Variants in ZNF791 observed in about 807,000 individuals in gnomAD.
ZNF791 encodes zinc finger protein 791.
A neutral mutation model predicts 11.5 loss-of-function variants in ZNF791; 4 were observed. The ratio of observed to expected loss-of-function variants is 0.35; its 90% CI spans 0.17 to 0.80. The LOEUF is 0.80. Ranked by LOEUF, ZNF791 falls within the 30% of genes least tolerant of loss-of-function variation. ZNF791 has a pLI of 0.53. For synonymous variants in ZNF791, 212 were observed against 228.1 expected (o/e 0.93, Z 0.64); for missense variants, 559 against 699.4 (o/e 0.80, Z 2.26).
intron 1 of ZNF791, 123 bp downstream of exon 1, chr19:12,611,205 C>T (rs962692453): frequency 1.5e-6 from 2 of 1,313,572 alleles, no homozygotes; most frequent in Admixed American, 2.4e-5. Flanking sequence ...CGTCCTGTCC[C>T]GTCCCTGCGC....
chr19:12,612,829 T>TA (rs976207113), intron 1 of ZNF791, among the ~76,000 whole-genome samples: 1 of 117,434 alleles, frequency 8.5e-6, no homozygotes, highest in Non-Finnish European at 1.9e-5. Context: ...TTTTTTTTTT[T>TA]AAAGACCAAG....
At chr19:12,621,390 C>G (rs931906706) in intron 1 of ZNF791, among the ~76,000 whole-genome samples, 2 of 151,834 alleles carry the variant, frequency 1.3e-5, no homozygotes, top group East Asian at 3.9e-4. Context: ...CCTAGTCTCA[C>G]GAAATGGGAC....
At chr19:12,622,452 C>T (rs941854757) in intron 1 of ZNF791, among the ~76,000 whole-genome samples, 1 of 143,602 alleles carries the variant, frequency 7.0e-6, no homozygotes, top group Non-Finnish European at 1.5e-5. Context: ...CATTTAATCC[C>T]ATATCTTAAG....
At chr19:12,624,606 A>G in intron 2 of ZNF791, 44 bp from the exon 3 acceptor site, 1 of 1,407,498 alleles carries the variant, frequency 7.1e-7, no homozygotes, top group South Asian at 1.3e-5. Context: ...ATATTTGTAT[A>G]ATTTTTAATA....
intron 3 of ZNF791, among the ~76,000 whole-genome samples, chr19:12,627,017 C>T (rs2145195002): frequency 6.6e-6 from 1 of 152,124 alleles, no homozygotes; most frequent in Middle Eastern, 3.4e-3. Context: ...CCTGTCTCTA[C>T]AAGAAACAGA....
Position 12,632,030 on chromosome 19 carries a change from G to A in ZNF791, c.*2770G>A, listed in dbSNP as rs58945432. On this transcript the variant is annotated 3_prime_UTR_variant, in exon 4 of 4. Transcript: ENST00000343325. ...GGCTGGAGTTCAGCGGTGTGATCTC[G>A]GCTCACTGCAAGCTCCGCCTCCCGG... 3 of 150,538 alleles carry A rather than the reference G, an allele frequency of 2.0e-5. No homozygotes were observed. The highest frequency in any genetic ancestry group is 2.5e-5 in the African/African-American group (1 of 40,814). The allele number at this position is 150,538 out of a possible 1,614,324, so 9.3% of individuals were successfully genotyped here. A position where few individuals can be genotyped will look rare whatever the true frequency, so the allele number is the denominator to read the frequency against.
In ZNF791 at chr19:12,623,753, T is replaced by A; in HGVS notation, c.57T>A (p.Ala19=). ...TGAGCTTCAGCCAGGAGGAGTGGGC[T>A]CTGCTGGCTCCTTCACAGAAGAAAC... ...VSVSFSQEEW[A]LLAPSQKKLY... is the part of the protein sequence containing the mutation. The change falls in exon 2 of 4, where the codon GCT becomes GCA. Residue 19 remains alanine (A), a synonymous_variant. Coordinates refer to ENST00000343325, the MANE Select transcript of ZNF791 (RefSeq NM_153358.3). 6.2e-7 allele frequency: 1 copy of A among 1,613,702 alleles called. No individual in the cohort carries two copies. The highest frequency in any genetic ancestry group is 8.5e-7 in the Non-Finnish European group (1 of 1,179,808).
At chr19:12,616,057 G>A (rs1028550483) in intron 1 of ZNF791, among the ~76,000 whole-genome samples, 1 of 152,198 alleles carries the variant, frequency 6.6e-6, no homozygotes, top group Non-Finnish European at 1.5e-5. Context: ...CAAGGAATGA[G>A]AATTCTTGTT....
rs556489052 is a variant in ZNF791 at position 12,624,731 on chromosome 19, G to A, written c.191+21G>A. 79 of 1,586,062 alleles carry A rather than the reference G, an allele frequency of 5.0e-5. No individual in the cohort carries two copies. In the African/African-American group the frequency reaches 9.5e-4, roughly 19 times the overall value. ...CTAAGGTGAGTTGCACTCACAAGAAGTAACAGTGTTCCTTGAAAGAATCTT... is the reference window on the plus strand; with the variant it reads ...CTAAGGTGAGTTGCACTCACAAGAAATAACAGTGTTCCTTGAAAGAATCTT... On this transcript the variant is annotated intron_variant, in intron 3 of 3. Transcript: ENST00000343325.
chr19:12,623,854 T>TA, intron 2 of ZNF791, 28 bp downstream of exon 2: 1 of 434,848 alleles, frequency 2.3e-6, no homozygotes, highest in Non-Finnish European at 3.6e-6. Context: ...TTTTCTTTTT[T>TA]CTTTTTTTTT....
At chr19:12,621,623 G>C (rs1206692524) in intron 1 of ZNF791, among the ~76,000 whole-genome samples, 2 of 150,140 alleles carry the variant, frequency 1.3e-5, no homozygotes, top group Non-Finnish European at 3.0e-5. Flanking sequence ...CTTCTTAAAA[G>C]TTGGATTTCC....
At position 12,631,413 on chromosome 19, in the gene ZNF791, C is replaced by T. The variant is rs1442279574; in HGVS notation, c.*2153C>T. On this transcript the variant is annotated 3_prime_UTR_variant, in exon 4 of 4. Transcript: ENST00000343325. ...GTAAAATGCTCCAGAAAATTCACAC[C>T]ATGATATAAATTCATCACACACGAT... The T allele has an allele frequency of 6.6e-6, 1 of 152,110 alleles. No homozygotes were observed. 9.4% of individuals were successfully genotyped at this position (152,110 alleles called of 1,614,324 possible).
chr19:12,623,694 T>G lies in ZNF791; in HGVS notation c.4-6T>G. 2.5e-6 allele frequency: 4 copies of G among 1,614,090 alleles called. No individual in the cohort carries two copies. The highest frequency in any genetic ancestry group is 3.4e-6 in the Non-Finnish European group (4 of 1,180,010). On this transcript the variant is annotated splice_region_variant and splice_polypyrimidine_tract_variant and intron_variant, in intron 1 of 3. Transcript: ENST00000343325. ...ACCTATTCTCTACTTATATTGGATGTTTCAGGACTCAGTGGCTTTTGAGGA... is the reference window on the plus strand; with the variant it reads ...ACCTATTCTCTACTTATATTGGATGGTTCAGGACTCAGTGGCTTTTGAGGA...
Position 12,617,141 on chromosome 19 carries a change from T to C in ZNF791, c.3+6059T>C, listed in dbSNP as rs1250073836. ...TCTTTTTTCTTCTTTTTTTTTTTTTTTTGAGACGGAGTCTTGCTGTGTCAC... is the reference window on the plus strand; with the variant it reads ...TCTTTTTTCTTCTTTTTTTTTTTTTCTTGAGACGGAGTCTTGCTGTGTCAC... On this transcript the variant is annotated intron_variant, in intron 1 of 3. Transcript: ENST00000343325. Among the ~76,000 whole-genome samples, 7 of 151,088 alleles carry C rather than the reference T, an allele frequency of 4.6e-5. No individual in the cohort carries two copies. In the East Asian group the frequency reaches 1.3e-3, roughly 29 times the overall value.
In ZNF791 at chr19:12,629,470, A is replaced by C; in HGVS notation, c.*210A>C. The C allele has an allele frequency of 1.3e-5, 5 of 397,524 alleles. No individual in the cohort carries two copies. The highest frequency in any genetic ancestry group is 1.8e-5 in the Non-Finnish European group (4 of 225,614). 24.6% of individuals were successfully genotyped at this position (397,524 alleles called of 1,614,324 possible). A position where few individuals can be genotyped will look rare whatever the true frequency, so the allele number is the denominator to read the frequency against. On this transcript the variant is annotated 3_prime_UTR_variant, in exon 4 of 4. Transcript: ENST00000343325. ...GGTTGGTAGCCCCATAAGATTATAT[A>C]ACACCTAAAACATTTCTATCAACCG...
chr19:12,612,086 TTGA>T (rs1337939705), intron 1 of ZNF791: 1 of 520,230 alleles, frequency 1.9e-6, no homozygotes, highest in Non-Finnish European at 2.5e-6. Flanking sequence ...TTCTTTTAGT[TTGA>T]TGTTTCAGAT....
chr19:12,613,600 A>G (rs1415058926), intron 1 of ZNF791, among the ~76,000 whole-genome samples: 1 of 152,014 alleles, frequency 6.6e-6, no homozygotes, highest in Non-Finnish European at 1.5e-5. Context: ...AAAAAATTTA[A>G]TTAAATTGTC....
At chr19:12,619,480 C>G (rs2023301022) in intron 1 of ZNF791, among the ~76,000 whole-genome samples, 1 of 118,596 alleles carries the variant, frequency 8.4e-6, no homozygotes, top group African/African-American at 3.3e-5. Context: ...GACGGAGTCT[C>G]GATTTGTCTC....
chr19:12,611,856 C>T (rs2023162670), intron 1 of ZNF791, among the ~76,000 whole-genome samples: 1 of 152,088 alleles, frequency 6.6e-6, no homozygotes, highest in Non-Finnish European at 1.5e-5. Flanking sequence ...GGCACTGTCC[C>T]GCCTTGGGTT....
Sources: allele counts gnomAD v4.1 joint callset (sites outside exome capture counted in the v4.1 genomes callset), GRCh38; gene constraint gnomAD v4.1.1; transcripts MANE v1.5; gene names NCBI Gene and HGNC (gene_info 2026-07-23, HGNC 2026-07-21).